The following XRRA1 variants were observed in gnomAD, a reference collection of about 807,000 sequenced individuals.
XRRA1 encodes X-ray radiation resistance associated 1, also known as X-ray radiation resistance-associated protein 1.
In XRRA1, 69 loss-of-function variants were observed where a neutral mutation model predicts 80.2. The observed-to-expected ratio is 0.86, with a 90% confidence interval of 0.71 to 1.05. XRRA1 has a LOEUF of 1.05. XRRA1 is among the 50% of genes least tolerant of loss of function. The pLI is 0.00. For missense variants in XRRA1, 967 were observed against 976.4 expected (o/e 0.99, Z 0.13); for synonymous variants, 348 against 389.9 (o/e 0.89, Z 1.27).
rs750815435 is a variant in XRRA1 at position 74,845,181 on chromosome 11, C to T, written c.1819G>A (p.Val607Met). Residue 607 changes from valine to methionine, a missense_variant, in exon 16 of 19, where the codon GTG (valine) becomes ATG (methionine). Physicochemically the swap from Val to Met is conservative, Grantham distance 21. Transcript: ENST00000684022. ...GGGAGTTTCCTCCGAGTCCCTTTCA[C>T]CTCTCTGGGTGCCGTTGGTGGTTTC... is the stretch of plus-strand genomic sequence containing the variant. The part of the protein sequence containing the change: ...QKKPPTAPRE[V>M]KGTRRKLPTA... 4.3e-6 allele frequency: 7 copies of T among 1,613,976 alleles called. No individual in the cohort carries two copies. Among genetic ancestry groups the T allele is most frequent in the Admixed American group, 1.7e-5 (1 of 60,018 alleles).
At chr11:74,929,428 C>T (rs1943008088) in intron 6 of XRRA1, among the ~76,000 whole-genome samples, 1 of 152,152 alleles carries the variant, frequency 6.6e-6, no homozygotes, top group Admixed American at 6.5e-5. Context: ...AATCCACTCT[C>T]CTCACAGCTG....
intron 8 of XRRA1, among the ~76,000 whole-genome samples, chr11:74,908,241 T>C (rs1462279239): frequency 6.6e-6 from 1 of 152,242 alleles, no homozygotes; most frequent in African/African-American, 2.4e-5. Context: ...ATTATTTATC[T>C]CCTTTACAGA....
At chr11:74,875,740 G>A (rs1256566267) in intron 10 of XRRA1, among the ~76,000 whole-genome samples, 1 of 152,128 alleles carries the variant, frequency 6.6e-6, no homozygotes, top group East Asian at 1.9e-4. Context: ...ATGTGGTGGT[G>A]CACGCCTGTA....
chr11:74,940,850 T>A lies in XRRA1; in HGVS notation c.29A>T (p.Asp10Val). MAFSGIYKLDDGKPYLNNCF... is the reference protein window; with the variant it reads MAFSGIYKLVDGKPYLNNCF... Reference sequence around the variant, plus strand: ...GTTGTTCAGGTAAGGCTTCCCATCATCCAGCTTGTAGATTCCTGAGAAGGC... The same window carrying A: ...GTTGTTCAGGTAAGGCTTCCCATCAACCAGCTTGTAGATTCCTGAGAAGGC... Residue 10 changes from aspartate (D) to valine (V), a missense_variant, in exon 3 of 19, where the codon GAT (aspartate) becomes GTT (valine). Physicochemically the swap from Asp to Val is radical, Grantham distance 152 (BLOSUM62 -3). Transcript: ENST00000684022. 2 of 1,609,440 alleles carry A rather than the reference T, an allele frequency of 1.2e-6. No individual in the cohort carries two copies. The highest frequency in any genetic ancestry group is 2.2e-5 in the South Asian group (2 of 89,704).
chr11:74,866,152 A>C (rs1336043664), intron 10 of XRRA1, among the ~76,000 whole-genome samples: 1 of 152,190 alleles, frequency 6.6e-6, no homozygotes, highest in Non-Finnish European at 1.5e-5. Flanking sequence ...AAACAGACAA[A>C]ATAAGATGCC....
intron 8 of XRRA1, chr11:74,910,059 C>T (rs566897566): frequency 4.5e-4 from 69 of 152,264 alleles, no homozygotes; most frequent in African/African-American, 1.5e-3. Context: ...GTAAGACTTT[C>T]GATTAGGCTA....
chr11:74,900,266 A>G (rs2053320439), intron 10 of XRRA1, among the ~76,000 whole-genome samples: 1 of 152,146 alleles, frequency 6.6e-6, no homozygotes, highest in African/African-American at 2.4e-5. Flanking sequence ...TACTAGCAAA[A>G]CAAATTCAAC....
chr11:74,921,951 G>A (rs940306372), intron 7 of XRRA1, among the ~76,000 whole-genome samples: 1 of 152,076 alleles, frequency 6.6e-6, no homozygotes, highest in African/African-American at 2.4e-5. Context: ...CACAAAGTAG[G>A]TGCACAGAAA....
chr11:74,936,944 T>C lies in XRRA1; in HGVS notation c.219A>G (p.Lys73=), dbSNP rs1397868928. 2.5e-6 allele frequency: 4 copies of C among 1,613,732 alleles called. No individual in the cohort carries two copies. Among genetic ancestry groups the C allele is most frequent in the South Asian group, 1.1e-5 (1 of 91,046 alleles). Residue 73 remains lysine, a synonymous_variant, in exon 4 of 19, where the codon AAA becomes AAG. Coordinates refer to ENST00000684022, the MANE Select transcript of XRRA1 (RefSeq NM_001378157.1). The part of the protein sequence containing the change: ...KATSFEFKGK[K]ESRRENQVDL... ...CCACCTGATTTTCCCGCCGAGACTC[T>C]TTCTTCCCCTTGAACTCAAAAGAAG...
chr11:74,927,313 T>C (rs1942493268), intron 7 of XRRA1, 78 bp downstream of exon 7: 1 of 594,706 alleles, frequency 1.7e-6, no homozygotes, highest in African/African-American at 2.2e-5. Context: ...TTCCCAACAG[T>C]TATAATCAGT....
At chr11:74,944,294 G>T (rs1399765889) in intron 2 of XRRA1, among the ~76,000 whole-genome samples, 1 of 152,132 alleles carries the variant, frequency 6.6e-6, no homozygotes, top group African/African-American at 2.4e-5. Context: ...ATAGACATGT[G>T]AGCCAAGTGA....
At chr11:74,893,979 A>G (rs1306748095) in intron 10 of XRRA1, among the ~76,000 whole-genome samples, 2 of 152,248 alleles carry the variant, frequency 1.3e-5, no homozygotes, top group Non-Finnish European at 2.9e-5. Flanking sequence ...CACAATAACA[A>G]AGACATGGAA....
At position 74,943,524 on chromosome 11, in the gene XRRA1, GGTGTGTGTGTGTGT is replaced by G. The variant is rs67590742; in HGVS notation, c.-5+1480_-5+1493del. ...GGAGGCGAGGGGAAGAGAGTAGGAG[GGTGTGTGTGTGTGT>G]GTGTGTGTGTGTGTGTGTGTGTGTA... On this transcript the variant is annotated intron_variant, in intron 2 of 18. Coordinates refer to ENST00000684022, the MANE Select transcript of XRRA1 (RefSeq NM_001378157.1). Among the ~76,000 whole-genome samples, 154 of 137,844 alleles carry G rather than the reference GGTGTGTGTGTGTGT, an allele frequency of 1.1e-3. 1 individual carries two copies. The East Asian group carries it at 0.034, about 30-fold the overall frequency. The allele number at this position is 137,844 out of a possible 152,430, so 90.4% of individuals were successfully genotyped here. A position where few individuals can be genotyped will look rare whatever the true frequency, so the allele number is the denominator to read the frequency against.
chr11:74,924,466 T>TC (rs1212118109), intron 7 of XRRA1, among the ~76,000 whole-genome samples: 2 of 141,374 alleles, frequency 1.4e-5, no homozygotes, highest in Non-Finnish European at 3.0e-5. Context: ...AGAGCGAAAC[T>TC]CCGTCTCAAA....
At chr11:74,860,024 T>C in intron 11 of XRRA1, among the ~76,000 whole-genome samples, 1 of 152,224 alleles carries the variant, frequency 6.6e-6, no homozygotes, top group East Asian at 1.9e-4. Flanking sequence ...TAAGGGTAGA[T>C]GCTGGGCTAA....
In XRRA1 at chr11:74,845,118, C is replaced by T; in HGVS notation, c.1882G>A (p.Glu628Lys). Residue 628 changes from glutamate (E) to lysine (K), a missense_variant, in exon 16 of 19, where the codon GAA becomes AAA. By Grantham distance (56) the Glu-to-Lys change is moderately conservative (BLOSUM62 1). Coordinates refer to ENST00000684022, the MANE Select transcript of XRRA1 (RefSeq NM_001378157.1). Reference protein sequence around the residue: ...FLPSKYHGYEELLTAKPDPAF... With the variant: ...FLPSKYHGYEKLLTAKPDPAF... ...GGATCAGGCTTGGCTGTCAGCAGTT[C>T]TTCATAGCCGTGGTACTTGCTGGGA... 16 of 1,613,992 alleles carry T rather than the reference C, an allele frequency of 9.9e-6. No homozygotes were observed. Among genetic ancestry groups the T allele is most frequent in the Non-Finnish European group, 1.4e-5 (16 of 1,179,906 alleles).
At chr11:74,931,342 T>TTG (rs1462231851) in intron 5 of XRRA1, among the ~76,000 whole-genome samples, 1 of 151,822 alleles carries the variant, frequency 6.6e-6, no homozygotes, top group African/African-American at 2.4e-5. Flanking sequence ...TTTTTTTTTT[T>TTG]GAGACAAAGT....
chr11:74,943,214 T>C (rs1172961050), intron 2 of XRRA1, among the ~76,000 whole-genome samples: 2 of 152,160 alleles, frequency 1.3e-5, no homozygotes, highest in African/African-American at 2.4e-5. Flanking sequence ...TGCCCATGCA[T>C]GCACACACAT....
intron 10 of XRRA1, among the ~76,000 whole-genome samples, chr11:74,890,048 G>C (rs1359300612): frequency 6.6e-6 from 1 of 152,176 alleles, no homozygotes; most frequent in African/African-American, 2.4e-5. Context: ...GCACCAAGCA[G>C]ACCTAATAGA....
Sources: gnomAD v4.1 joint callset for allele counts (sites outside exome capture counted in the v4.1 genomes callset) on GRCh38, gnomAD v4.1.1 for gene constraint, MANE v1.5 for transcripts, NCBI Gene and HGNC (gene_info 2026-07-23, HGNC 2026-07-21) for gene names.